PPP1R12B: variants seen among roughly 807,000 people sequenced by gnomAD.
PPP1R12B encodes protein phosphatase 1 regulatory subunit 12B.
A neutral mutation model predicts 126.1 loss-of-function variants in PPP1R12B; 76 were observed. That is an observed-to-expected ratio of 0.60 (90% CI 0.50 to 0.73). The LOEUF is 0.73. Among genes scored for constraint, PPP1R12B ranks in the 30% least tolerant of loss-of-function variants. PPP1R12B has a pLI of 0.00. For missense variants in PPP1R12B, 1,052 were observed against 1,205.1 expected, an observed-to-expected ratio of 0.87 and a Z score of 1.88; for synonymous variants, 356 against 434.7, an observed-to-expected ratio of 0.82 and a Z score of 2.25.
At chr1:202,517,341 C>T (rs941054776) in intron 18 of PPP1R12B, among the ~76,000 whole-genome samples, 3 of 152,132 alleles carry the variant, frequency 2.0e-5, no homozygotes, top group African/African-American at 7.2e-5. Flanking sequence ...CTCTAGCCTC[C>T]AACTTTACCA....
At chr1:202,511,660 G>C (rs925001600) in intron 18 of PPP1R12B, among the ~76,000 whole-genome samples, 3 of 151,752 alleles carry the variant, frequency 2.0e-5, no homozygotes, top group Admixed American at 2.0e-4. Flanking sequence ...TTCCATTCCT[G>C]AGTTATTACA....
At chr1:202,394,158 G>A (rs1174137358) in intron 1 of PPP1R12B, among the ~76,000 whole-genome samples, 3 of 151,996 alleles carry the variant, frequency 2.0e-5, no homozygotes, top group South Asian at 2.1e-4. Flanking sequence ...CTAACATGGC[G>A]AAACCCCATC....
At chr1:202,461,358 A>AT (rs1221094916) in intron 13 of PPP1R12B, among the ~76,000 whole-genome samples, 1 of 152,158 alleles carries the variant, frequency 6.6e-6, no homozygotes, top group Non-Finnish European at 1.5e-5. Flanking sequence ...AGTAACCTAG[A>AT]TTTTCCCAAA....
chr1:202,401,176 TTCTTTTTTC>T (rs966995448), intron 1 of PPP1R12B, among the ~76,000 whole-genome samples: 66 of 152,062 alleles, frequency 4.3e-4, no homozygotes, highest in Non-Finnish European at 3.1e-4. Context: ...AAGTACTTCT[TTCTTTTTTC>T]TCTTTTTTCT....
At chr1:202,530,681 A>G (rs1192779511) in intron 18 of PPP1R12B, among the ~76,000 whole-genome samples, 1 of 152,192 alleles carries the variant, frequency 6.6e-6, no homozygotes, top group Non-Finnish European at 1.5e-5. Context: ...TGTGAGCTCC[A>G]TGCTGTGCAA....
At chr1:202,416,698 T>C in intron 1 of PPP1R12B, 89 bp from the exon 2 acceptor site, 9 of 1,150,824 alleles carry the variant, frequency 7.8e-6, no homozygotes, top group Non-Finnish European at 5.1e-6. Flanking sequence ...TTAGAACTGC[T>C]GGGCATTGTC....
chr1:202,477,661 C>G (rs1676841054), intron 13 of PPP1R12B, among the ~76,000 whole-genome samples: 1 of 152,162 alleles, frequency 6.6e-6, no homozygotes, highest in Admixed American at 6.5e-5. Context: ...CCTTGACTTC[C>G]TGGGCTCAAG....
intron 8 of PPP1R12B, 89 bp from the exon 9 acceptor site, chr1:202,434,567 C>T (rs1443523556): frequency 6.7e-7 from 1 of 1,487,392 alleles, no homozygotes; most frequent in Non-Finnish European, 8.9e-7. Flanking sequence ...TGATAATGGG[C>T]AAATCTTTTC....
In PPP1R12B at chr1:202,547,379, C is replaced by G. The variant is rs1685757851; in HGVS notation, c.2491-11498C>G. Among the ~76,000 whole-genome samples the G allele has an allele frequency of 2.6e-5, 4 of 152,164 alleles. No homozygotes were observed. The South Asian group carries it at 8.3e-4, about 32-fold the overall frequency. Reference sequence around the variant, plus strand: ...TGCAGTGAGTGATGGTTATCCACAACTGGGATGTTAGTTCTCATAACAGTT... The same window carrying G: ...TGCAGTGAGTGATGGTTATCCACAAGTGGGATGTTAGTTCTCATAACAGTT... On this transcript the variant is annotated intron_variant, in intron 18 of 23. Transcript: ENST00000608999.
intron 23 of PPP1R12B, among the ~76,000 whole-genome samples, chr1:202,573,183 CT>C (rs1688769460): frequency 6.6e-6 from 1 of 152,174 alleles, no homozygotes; most frequent in African/African-American, 2.4e-5. Context: ...TTGCTTTAAT[CT>C]TTTCCATATG....
Position 202,447,994 on chromosome 1 carries a change from A to G in PPP1R12B, c.1668-995A>G, listed in dbSNP as rs3767424. Among the ~76,000 whole-genome samples, 3,162 of 151,302 alleles carry G rather than the reference A, an allele frequency of 0.021. 245 individuals are homozygous for G. The East Asian group carries it at 0.25, about 12-fold the overall frequency. On this transcript the variant is annotated intron_variant, in intron 12 of 23. Transcript: ENST00000608999. ...TAAAATATTCTGCCTTTATGTTTGTATCTAGGTACCATATTTATATTTTTA... is the reference window on the plus strand; with the variant it reads ...TAAAATATTCTGCCTTTATGTTTGTGTCTAGGTACCATATTTATATTTTTA...
chr1:202,482,851 T>C (rs913865397), intron 13 of PPP1R12B, among the ~76,000 whole-genome samples: 2 of 152,240 alleles, frequency 1.3e-5, no homozygotes, highest in African/African-American at 4.8e-5. Context: ...TCCTATGTTA[T>C]CTTCTAGGTA....
At chr1:202,349,177 T>C in intron 1 of PPP1R12B, 35 bp downstream of exon 1, 1 of 1,609,428 alleles carries the variant, frequency 6.2e-7, no homozygotes, top group African/African-American at 1.3e-5. Flanking sequence ...GCGTCCAGTC[T>C]CCTACAGATG....
intron 6 of PPP1R12B, among the ~76,000 whole-genome samples, chr1:202,430,260 C>T (rs1479791094): frequency 3.9e-5 from 6 of 152,054 alleles, no homozygotes; most frequent in Admixed American, 3.9e-4. Context: ...TTATCTTTGC[C>T]CTCTGCATAA....
At chr1:202,494,603 C>T (rs1218295335) in intron 15 of PPP1R12B, among the ~76,000 whole-genome samples, 3 of 146,116 alleles carry the variant, frequency 2.1e-5, no homozygotes, top group Non-Finnish European at 3.0e-5. Context: ...AAAAAAAAGA[C>T]CACAATAGAC....
At chr1:202,464,443 G>C (rs1185983150) in intron 13 of PPP1R12B, among the ~76,000 whole-genome samples, 1 of 152,282 alleles carries the variant, frequency 6.6e-6, no homozygotes, top group South Asian at 2.1e-4. Flanking sequence ...GGATGAGTTC[G>C]CAGATGAGCC....
At position 202,488,590 on chromosome 1, in the gene PPP1R12B, C is replaced by T. The variant is rs1326446391; in HGVS notation, c.1908C>T (p.Ser636=). ...CAGAGTCTTTACGGAAAGCACGCTCCAGACAAGCTCGGCAGACACGAAGGT... is the reference window on the plus strand; with the variant it reads ...CAGAGTCTTTACGGAAAGCACGCTCTAGACAAGCTCGGCAGACACGAAGGT... ...EEAESLRKAR[S]RQARQTRRST... Residue 636 remains serine, a synonymous_variant, in exon 14 of 24, where the codon TCC becomes TCT. Coordinates refer to ENST00000608999, the MANE Select transcript of PPP1R12B (RefSeq NM_002481.4). 6.1e-5 allele frequency: 99 copies of T among 1,612,572 alleles called. No individual in the cohort carries two copies. The highest frequency in any genetic ancestry group is 8.2e-5 in the Non-Finnish European group (97 of 1,179,274).
At position 202,393,616 on chromosome 1, in the gene PPP1R12B, A is replaced by T. The variant is rs1200753441; in HGVS notation, c.292-23171A>T. On this transcript the variant is annotated intron_variant, in intron 1 of 23. Coordinates refer to ENST00000608999, the MANE Select transcript of PPP1R12B (RefSeq NM_002481.4). ...GCTCCTAAGTTTTATTTCTTTCCTT[A>T]TTCTAGCATATGTACAGAAAGATGT... Among the ~76,000 whole-genome samples, 6 of 152,308 alleles carry T rather than the reference A, an allele frequency of 3.9e-5. No homozygotes were observed. In the East Asian group the frequency reaches 7.7e-4, roughly 20 times the overall value.
chr1:202,538,556 A>G (rs1459504866), intron 18 of PPP1R12B, among the ~76,000 whole-genome samples: 1 of 152,238 alleles, frequency 6.6e-6, no homozygotes, highest in Non-Finnish European at 1.5e-5. Flanking sequence ...AGAATAGCAT[A>G]TTGAGAAAGT....
Sources: gnomAD v4.1 joint callset for allele counts (sites outside exome capture counted in the v4.1 genomes callset) on GRCh38, gnomAD v4.1.1 for gene constraint, MANE v1.5 for transcripts, NCBI Gene and HGNC (gene_info 2026-07-23, HGNC 2026-07-21) for gene names.